The following MEGF8 variants were observed in gnomAD, a reference collection of about 807,000 sequenced individuals.
The protein encoded by MEGF8 is multiple epidermal growth factor-like domains protein 8.
Under a neutral mutation model 302.9 loss-of-function variants are expected in MEGF8, and 156 were observed. That is an observed-to-expected ratio of 0.52 (90% CI 0.45 to 0.59). The LOEUF is 0.59. Among genes scored for constraint, MEGF8 ranks in the 20% least tolerant of loss-of-function variants. The pLI is 0.00. For missense variants in MEGF8, 3,345 were observed against 3,964.5 expected (o/e 0.84, Z 4.20); for synonymous variants, 1,621 against 1,660.5 (o/e 0.98, Z 0.58).
rs2039268254 is a variant in MEGF8, at chr19:42,344,956, A to C, written c.2097+123A>C. The C allele has an allele frequency of 9.2e-7, 1 of 1,086,108 alleles. No homozygotes were observed. 67.3% of individuals were successfully genotyped at this position (1,086,108 alleles called of 1,614,324 possible). On this transcript the variant is annotated intron_variant, in intron 12 of 41. Transcript: ENST00000251268. The surrounding 1 kb of genome is among the most constrained non-coding windows in gnomAD (Gnocchi z 4.5). The stretch of plus-strand genomic sequence containing the variant: ...AAAACTCTTTACATTCAAGGGTCTT[A>C]TTTTCCTTATGGACTTTATTTTTTA...
At position 42,368,227 on chromosome 19, in the gene MEGF8, G is replaced by A. The variant is rs1295620217; in HGVS notation, c.6274-228G>A. ...GCCACTGCGGCCAGGCAACCTTCCA[G>A]TTTCAAGATCCTCCCCAGCCTGACT... On this transcript the variant is annotated intron_variant, in intron 35 of 41. Coordinates refer to ENST00000251268, the MANE Select transcript of MEGF8 (RefSeq NM_001271938.2). This position sits in a 1 kb window ranked among gnomAD's most constrained non-coding sequence, Gnocchi z 4.9. Among the ~76,000 whole-genome samples, 1 of 152,154 alleles carries A rather than the reference G, an allele frequency of 6.6e-6. No individual in the cohort carries two copies. The highest frequency in any genetic ancestry group is 1.5e-5 in the Non-Finnish European group (1 of 68,028).
Position 42,368,447 on chromosome 19 carries a change from C to A in MEGF8, c.6274-8C>A. ...TCCCTGCATCCCCATCCCCTCCCCC[C>A]CATACAGTGTCTGAGCCCTTCCTAC... On this transcript the variant is annotated splice_region_variant and splice_polypyrimidine_tract_variant and intron_variant, in intron 35 of 41. Transcript: ENST00000251268. This position sits in a 1 kb window ranked among gnomAD's most constrained non-coding sequence, Gnocchi z 4.9. The A allele has an allele frequency of 3.1e-6, 5 of 1,596,712 alleles. No homozygotes were observed. The highest frequency in any genetic ancestry group is 4.3e-6 in the Non-Finnish European group (5 of 1,172,322).
At chr19:42,329,291 C>T (rs1465987890) in intron 1 of MEGF8, among the ~76,000 whole-genome samples, 1 of 152,124 alleles carries the variant, frequency 6.6e-6, no homozygotes, top group Non-Finnish European at 1.5e-5. Context: ...GCATTGCCCT[C>T]AGGTTGGGTG....
chr19:42,343,016 C>T (rs1047004348), intron 8 of MEGF8, among the ~76,000 whole-genome samples: 5 of 152,116 alleles, frequency 3.3e-5, no homozygotes, highest in South Asian at 2.1e-4. Context: ...GAAAATCAGG[C>T]GCTATCACCA....
rs1186791005 is a variant in MEGF8 at position 42,352,243 on chromosome 19, G to A, written c.3137G>A (p.Gly1046Glu). The A allele has an allele frequency of 2.6e-6, 4 of 1,556,160 alleles. No individual in the cohort carries two copies. The highest frequency in any genetic ancestry group is 3.5e-6 in the Non-Finnish European group (4 of 1,147,354). The change falls in exon 19 of 42, where the codon GGG (glycine) becomes GAG (glutamate). Residue 1046 changes from glycine (G) to glutamate (E), a missense_variant. Transcript: ENST00000251268. The surrounding 1 kb of genome is among the most constrained non-coding windows in gnomAD (Gnocchi z 4.4). ...LQGDFSGPLG[G>E]GNCSLWVGEG... Reference sequence around the variant, plus strand: ...GGGGACTTCTCAGGGCCCCTCGGTGGGGGTAACTGCTCCCTGTGGGTGGGG... The same window carrying A: ...GGGGACTTCTCAGGGCCCCTCGGTGAGGGTAACTGCTCCCTGTGGGTGGGG...
intron 8 of MEGF8, among the ~76,000 whole-genome samples, chr19:42,340,286 G>A (rs1472328519): frequency 6.6e-6 from 1 of 152,128 alleles, no homozygotes; most frequent in African/African-American, 2.4e-5. Flanking sequence ...CTGAAGTGCA[G>A]TGGTGTGATC....
chr19:42,362,304 A>T, intron 33 of MEGF8, 80 bp from the exon 34 acceptor site: 1 of 1,609,734 alleles, frequency 6.2e-7, no homozygotes, highest in Non-Finnish European at 8.5e-7. Flanking sequence ...CACCCACCCC[A>T]GGGTCTCAGG....
chr19:42,330,150 C>T (rs1220783311), intron 1 of MEGF8, among the ~76,000 whole-genome samples: 2 of 152,132 alleles, frequency 1.3e-5, no homozygotes, highest in Non-Finnish European at 2.9e-5. Context: ...TCTATGTTGG[C>T]CAGGCTGGTC....
intron 41 of MEGF8, among the ~76,000 whole-genome samples, chr19:42,373,167 A>G (rs569412407): frequency 6.6e-6 from 1 of 150,468 alleles, no homozygotes; most frequent in African/African-American, 2.4e-5. Context: ...ATCTTGGCTC[A>G]CTGCAACCTC....
At chr19:42,361,955 G>A (rs2039537453) in intron 32 of MEGF8, 135 bp from the exon 33 acceptor site, 2 of 1,340,250 alleles carry the variant, frequency 1.5e-6, no homozygotes, top group African/African-American at 1.5e-5. Flanking sequence ...AAATGGTGGT[G>A]GGGACAGCCA....
intron 9 of MEGF8, 109 bp from the exon 10 acceptor site, chr19:42,343,845 G>T: frequency 6.9e-7 from 1 of 1,456,702 alleles, no homozygotes. Context: ...AGCACTCAGG[G>T]TCCTCTGGGA....
In MEGF8 at chr19:42,375,638, C is replaced by T. The variant is rs781629694; in HGVS notation, c.7401C>T (p.Arg2467=). 7.4e-5 allele frequency: 119 copies of T among 1,609,196 alleles called. No homozygotes were observed. Among genetic ancestry groups the T allele is most frequent in the Admixed American group, 3.0e-4 (18 of 59,422 alleles). ...CCAACTGCTTCCATGAGCCCAAACG[C>T]CGGGCGCTAGGCCCCGGCCGCACTG... ...SQTNCFHEPK[R]RALGPGRTVL... Residue 2467 remains arginine, a synonymous_variant, in exon 42 of 42, where the codon CGC becomes CGT. Coordinates refer to ENST00000251268, the MANE Select transcript of MEGF8 (RefSeq NM_001271938.2). The surrounding 1 kb of genome is among the most constrained non-coding windows in gnomAD (Gnocchi z 7.1).
Position 42,336,741 on chromosome 19 carries a change from AAG to A in MEGF8, c.1245-63_1245-62del. Reference sequence around the variant, plus strand: ...ATCCCTGGGTGATCACATGGCTCCTAAGAGCCTGGAGGAGGGAGAGAGACGCT... The same window carrying A: ...ATCCCTGGGTGATCACATGGCTCCTAAGCCTGGAGGAGGGAGAGAGACGCT... On this transcript the variant is annotated intron_variant, in intron 6 of 41. Coordinates refer to ENST00000251268, the MANE Select transcript of MEGF8 (RefSeq NM_001271938.2). This position sits in a 1 kb window ranked among gnomAD's most constrained non-coding sequence, Gnocchi z 4.8. 1 of 1,518,140 alleles carries A rather than the reference AAG, an allele frequency of 6.6e-7. No homozygotes were observed. The highest frequency in any genetic ancestry group is 8.8e-7 in the Non-Finnish European group (1 of 1,134,798). The allele number at this position is 1,518,140 out of a possible 1,614,324, so 94.0% of individuals were successfully genotyped here. A position where few individuals can be genotyped will look rare whatever the true frequency, so the allele number is the denominator to read the frequency against.
intron 8 of MEGF8, among the ~76,000 whole-genome samples, chr19:42,339,734 A>G (rs879674463): frequency 6.6e-6 from 1 of 152,210 alleles, no homozygotes; most frequent in African/African-American, 2.4e-5. Context: ...CAGAGCCAGC[A>G]TGGCTATCCC....
rs2039083472 is a variant in MEGF8 at position 42,333,645 on chromosome 19, C to T, written c.228C>T (p.Phe76=). 1 of 1,613,896 alleles carries T rather than the reference C, an allele frequency of 6.2e-7. No individual in the cohort carries two copies. Among genetic ancestry groups the T allele is most frequent in the African/African-American group, 1.3e-5 (1 of 74,938 alleles). ...PQHRILLDFL[F]LDTECTYDYL... Reference sequence around the variant, plus strand: ...ACCGGATCCTGCTGGACTTCCTTTTCCTGGACACAGAGTGCACGTATGACT... The same window carrying T: ...ACCGGATCCTGCTGGACTTCCTTTTTCTGGACACAGAGTGCACGTATGACT... Residue 76 remains phenylalanine (F), a synonymous_variant, in exon 2 of 42, where the codon TTC becomes TTT. Transcript: ENST00000251268.
chr19:42,344,673 A>G lies in MEGF8; in HGVS notation c.1937A>G (p.Gln646Arg), dbSNP rs1225354048. ...CCCCCACCCCCTGTCTTCTCAGAGC[A>G]GGCCCGCTGCCGAGGGGAGCAGATC... ...HNESCLPRPEQARCRGEQISG... is the reference protein window; with the variant it reads ...HNESCLPRPERARCRGEQISG... The change falls in exon 12 of 42, where the codon CAG becomes CGG. Residue 646 changes from glutamine (Q) to arginine (R), a missense_variant. Physicochemically the swap from Gln to Arg is conservative, Grantham distance 43. Transcript: ENST00000251268. This position sits in a 1 kb window ranked among gnomAD's most constrained non-coding sequence, Gnocchi z 4.5. 6.3e-7 allele frequency: 1 copy of G among 1,577,470 alleles called. No individual in the cohort carries two copies.
At chr19:42,338,801 CTTTT>C (rs113443328) in intron 8 of MEGF8, among the ~76,000 whole-genome samples, 1 of 54,362 alleles carries the variant, frequency 1.8e-5, no homozygotes, top group Non-Finnish European at 4.2e-5. Flanking sequence ...ACCACATTTT[CTTTT>C]TTTTTTTTTC....
At position 42,375,548 on chromosome 19, in the gene MEGF8, C is replaced by T. The variant is rs375011847; in HGVS notation, c.7311C>T (p.Gly2437=). 115 of 1,592,762 alleles carry T rather than the reference C, an allele frequency of 7.2e-5. No homozygotes were observed. The highest frequency in any genetic ancestry group is 2.1e-4 in the Admixed American group (12 of 56,782). ...AATCATTTCACGGGAGTCCGCTGGG[C>T]GGCCAGCAGTGCTACCGCCTCATCT... ...CRESFHGSPL[G]GQQCYRLISV... Residue 2437 remains glycine, a synonymous_variant, in exon 42 of 42, where the codon GGC becomes GGT. Coordinates refer to ENST00000251268, the MANE Select transcript of MEGF8 (RefSeq NM_001271938.2). This position sits in a 1 kb window ranked among gnomAD's most constrained non-coding sequence, Gnocchi z 7.1.
rs777903414 is a variant in MEGF8, at chr19:42,357,717, C to T, written c.5011+133C>T. ...TCTTTCCCATCCCCATGCAGATTCT[C>T]AGGGCACCCTCTTGAATGTTCAGAT... On this transcript the variant is annotated intron_variant, in intron 28 of 41. Transcript: ENST00000251268. This position sits in a 1 kb window ranked among gnomAD's most constrained non-coding sequence, Gnocchi z 5.2. 7 of 818,954 alleles carry T rather than the reference C, an allele frequency of 8.5e-6. No homozygotes were observed. Among genetic ancestry groups the T allele is most frequent in the Non-Finnish European group, 1.3e-5 (7 of 532,926 alleles). The allele number at this position is 818,954 out of a possible 1,614,324, so 50.7% of individuals were successfully genotyped here.
Sources: allele counts gnomAD v4.1 joint callset (sites outside exome capture counted in the v4.1 genomes callset), GRCh38; gene constraint gnomAD v4.1.1; non-coding constraint Gnocchi (gnomAD v3.1); transcripts MANE v1.5; gene names NCBI Gene and HGNC (gene_info 2026-07-23, HGNC 2026-07-21).